The following RBFOX1 variants were observed in gnomAD, a reference collection of about 807,000 sequenced individuals.
The protein encoded by RBFOX1 is RNA binding fox-1 homolog 1, also known as RNA binding protein fox-1 homolog 1.
RBFOX1 carries 8 observed loss-of-function variants against 57.7 expected under a neutral mutation model. That is an observed-to-expected ratio of 0.14 (90% CI 0.08 to 0.25). RBFOX1 has a LOEUF of 0.25. RBFOX1 is among the 10% of genes least tolerant of loss of function. The probability of loss-of-function intolerance (pLI) is 1.00; values close to 1 mark genes in which losing one functional copy is unlikely to be tolerated. For synonymous variants in RBFOX1, 326 were observed against 222.4 expected (o/e 1.47, Z -4.15); for missense variants, 611 against 548.5 (o/e 1.11, Z -1.14).
intron 1 of RBFOX1, among the ~76,000 whole-genome samples, chr16:6,285,765 A>C (rs2076841757): frequency 6.6e-6 from 1 of 151,954 alleles, no homozygotes; most frequent in African/African-American, 2.4e-5. Context: ...TTGTAGGTAG[A>C]CTCTGTTTCT....
Position 6,995,600 on chromosome 16 carries a change from A to T in RBFOX1, c.-15-56457A>T, listed in dbSNP as rs2092133419. Among the ~76,000 whole-genome samples the T allele has an allele frequency of 6.6e-5, 10 of 152,156 alleles. 1 individual carries two copies. The South Asian group carries it at 1.9e-3, about 28-fold the overall frequency. Reference sequence around the variant, plus strand: ...CACACTGAAACCTTGTCTCTACTAAACATACAAAAATTAGCTGGACGTGGT... The same window carrying T: ...CACACTGAAACCTTGTCTCTACTAATCATACAAAAATTAGCTGGACGTGGT... On this transcript the variant is annotated intron_variant, in intron 3 of 15. Transcript: ENST00000550418.
intron 1 of RBFOX1, among the ~76,000 whole-genome samples, chr16:5,273,666 A>G (rs2063071177): frequency 6.6e-6 from 1 of 152,140 alleles, no homozygotes; most frequent in Non-Finnish European, 1.5e-5. Context: ...GTGAGTTCGC[A>G]TGCATAGTGA....
intron 3 of RBFOX1, among the ~76,000 whole-genome samples, chr16:6,944,386 T>A (rs1248558531): frequency 5.3e-4 from 64 of 121,276 alleles, no homozygotes; most frequent in African/African-American, 1.8e-3. Context: ...AGAGCAAGAC[T>A]CCATCTCAGA....
intron 2 of RBFOX1, among the ~76,000 whole-genome samples, chr16:6,457,438 T>TTCCCCCCCCCC (rs757540836): frequency 2.4e-4 from 13 of 54,220 alleles, no homozygotes; most frequent in Non-Finnish European, 4.2e-4. Context: ...TTTCCGGAAG[T>TTCCCCCCCCCC]CCCCCCCCCC....
chr16:6,938,139 A>G (rs1228648752), intron 3 of RBFOX1, among the ~76,000 whole-genome samples: 1 of 152,134 alleles, frequency 6.6e-6, no homozygotes, highest in African/African-American at 2.4e-5. Flanking sequence ...GAAATTTTGA[A>G]CTATTCAAGT....
chr16:6,316,971 G>A, intron 1 of RBFOX1, 24 bp from the exon 2 acceptor site: 1 of 1,530,988 alleles, frequency 6.5e-7, no homozygotes, highest in South Asian at 1.2e-5. Flanking sequence ...TGATACTAAA[G>A]TCATTCCCCT....
At chr16:5,804,873 C>G (rs2055177093) in intron 3 of RBFOX1, among the ~76,000 whole-genome samples, 1 of 152,158 alleles carries the variant, frequency 6.6e-6, no homozygotes, top group Non-Finnish European at 1.5e-5. Context: ...CAGGGCAGCT[C>G]TGATGGATAT....
intron 2 of RBFOX1, among the ~76,000 whole-genome samples, chr16:6,454,571 C>T (rs535048250): frequency 2.6e-4 from 39 of 151,890 alleles, no homozygotes; most frequent in African/African-American, 9.0e-4. Context: ...AACAAGGAAA[C>T]AAAAAATGAA....
chr16:6,450,787 A>ATGTG (rs1567302903), intron 2 of RBFOX1, among the ~76,000 whole-genome samples: 7 of 55,704 alleles, frequency 1.3e-4, no homozygotes, highest in African/African-American at 6.7e-4. Context: ...ATATATATAT[A>ATGTG]TACATATATA....
rs1002060698 is a variant in RBFOX1, at chr16:5,367,774, G to A, written c.220-99442G>A. Among the ~76,000 whole-genome samples the A allele has an allele frequency of 2.0e-5, 3 of 152,186 alleles. No individual in the cohort carries two copies. The East Asian group carries it at 5.8e-4, about 29-fold the overall frequency. Reference sequence around the variant, plus strand: ...GAGACAGGGCACACGGAGGGGAGATGCCTTGCCCATGGTCCCACATCCAGA... The same window carrying A: ...GAGACAGGGCACACGGAGGGGAGATACCTTGCCCATGGTCCCACATCCAGA... On this transcript the variant is annotated intron_variant, in intron 1 of 2. Transcript: ENST00000585867.
intron 3 of RBFOX1, among the ~76,000 whole-genome samples, chr16:5,682,859 A>T (rs9929537): frequency 0.032 from 4,913 of 152,232 alleles, 265 homozygotes; most frequent in African/African-American, 0.11. Flanking sequence ...TAAAAGTGAG[A>T]ACTGCACATT....
chr16:7,067,480 G>C (rs1167648829), intron 4 of RBFOX1, among the ~76,000 whole-genome samples: 4 of 151,278 alleles, frequency 2.6e-5, no homozygotes, highest in Non-Finnish European at 5.9e-5. Flanking sequence ...ATTGCAGTCA[G>C]AGTCCAATTC....
chr16:6,993,703 C>A (rs920644827), intron 3 of RBFOX1, among the ~76,000 whole-genome samples: 1 of 152,078 alleles, frequency 6.6e-6, no homozygotes, highest in Non-Finnish European at 1.5e-5. Flanking sequence ...AATGTTTCTC[C>A]CTCCAATCCA....
intron 2 of RBFOX1, among the ~76,000 whole-genome samples, chr16:6,480,816 G>C (rs2095360525): frequency 1.3e-5 from 2 of 152,006 alleles, no homozygotes; most frequent in South Asian, 4.1e-4. Context: ...TTTTATTTCT[G>C]TTCCTACATA....
At chr16:6,914,685 C>T (rs908858099) in intron 3 of RBFOX1, among the ~76,000 whole-genome samples, 2 of 152,082 alleles carry the variant, frequency 1.3e-5, no homozygotes, top group Non-Finnish European at 2.9e-5. Flanking sequence ...ATCAGCCTGG[C>T]CAACATAGCA....
chr16:5,430,003 T>G (rs2067680644), intron 1 of RBFOX1, among the ~76,000 whole-genome samples: 1 of 152,206 alleles, frequency 6.6e-6, no homozygotes, highest in Non-Finnish European at 1.5e-5. Context: ...GCTGTTACTA[T>G]CTCAAGAACT....
chr16:5,416,496 G>T (rs1317888663), intron 1 of RBFOX1, among the ~76,000 whole-genome samples: 1 of 152,002 alleles, frequency 6.6e-6, no homozygotes, highest in South Asian at 2.1e-4. Context: ...TTTCCATACT[G>T]GGCTAGAAAC....
chr16:5,915,437 A>C (rs1162731970), intron 4 of RBFOX1, among the ~76,000 whole-genome samples: 1 of 152,186 alleles, frequency 6.6e-6, no homozygotes, highest in Admixed American at 6.5e-5. Flanking sequence ...TTCAATGAAC[A>C]CTTTAGTGCC....
intron 3 of RBFOX1, among the ~76,000 whole-genome samples, chr16:6,844,095 C>G (rs1221462784): frequency 2.0e-5 from 3 of 150,548 alleles, no homozygotes; most frequent in Non-Finnish European, 4.4e-5. Context: ...CTCTCTGTCT[C>G]TAAGCCACCA....
Sources: gnomAD v4.1 joint callset for allele counts (sites outside exome capture counted in the v4.1 genomes callset) on GRCh38, gnomAD v4.1.1 for gene constraint, MANE v1.5 for transcripts, NCBI Gene and HGNC (gene_info 2026-07-23, HGNC 2026-07-21) for gene names.